Variants in KCNK1 observed in about 807,000 individuals in gnomAD.
The protein encoded by KCNK1 is potassium two pore domain channel subfamily K member 1, also known as potassium channel subfamily K member 1.
Under a neutral mutation model 22.2 loss-of-function variants are expected in KCNK1, and 10 were observed. The ratio of observed to expected loss-of-function variants is 0.45; its 90% confidence interval spans 0.28 to 0.76. The LOEUF is 0.76. Among genes scored for constraint, KCNK1 ranks in the 30% least tolerant of loss-of-function variants. KCNK1 has a pLI of 0.14. For synonymous variants in KCNK1, 200 were observed against 186.4 expected (o/e 1.07, Z -0.60); for missense variants, 378 against 421.0 (o/e 0.90, Z 0.89).
chr1:233,625,372 A>G (rs569868402), intron 1 of KCNK1, among the ~76,000 whole-genome samples: 45 of 152,174 alleles, frequency 3.0e-4, no homozygotes, highest in Non-Finnish European at 4.7e-4. Flanking sequence ...AGTTTTACAT[A>G]GAAAGGTGGA....
chr1:233,665,739 G>A (rs1362438561), intron 1 of KCNK1, among the ~76,000 whole-genome samples: 1 of 152,238 alleles, frequency 6.6e-6, no homozygotes, highest in Admixed American at 6.5e-5. Context: ...CAGCAAGGCA[G>A]TGTCAGTTGA....
chr1:233,654,769 A>AT (rs1346533408), intron 1 of KCNK1, among the ~76,000 whole-genome samples: 1 of 152,162 alleles, frequency 6.6e-6, no homozygotes, highest in African/African-American at 2.4e-5. Context: ...AAATAAATAA[A>AT]TGAGAAGGCA....
At chr1:233,656,112 C>T (rs1179828286) in intron 1 of KCNK1, among the ~76,000 whole-genome samples, 3 of 152,126 alleles carry the variant, frequency 2.0e-5, no homozygotes, top group Non-Finnish European at 4.4e-5. Context: ...AAATGGGTTA[C>T]AGGATTAAAC....
At chr1:233,652,129 GA>G (rs538658391) in intron 1 of KCNK1, among the ~76,000 whole-genome samples, 145 of 152,298 alleles carry the variant, frequency 9.5e-4, no homozygotes, top group African/African-American at 3.4e-3. Context: ...CAAGTGTTCT[GA>G]AGCTGTAGCC....
intron 1 of KCNK1, among the ~76,000 whole-genome samples, chr1:233,618,862 G>T (rs533469863): frequency 6.6e-6 from 1 of 151,954 alleles, no homozygotes. Flanking sequence ...CCAGCCTGGC[G>T]ACAGAGCAAG....
chr1:233,671,693 G>A lies in KCNK1; in HGVS notation c.*163G>A. On this transcript the variant is annotated 3_prime_UTR_variant, in exon 3 of 3. Transcript: ENST00000366621. The stretch of plus-strand genomic sequence containing the variant: ...TAAAAAACAACAAAAAAAGACAAAT[G>A]GAACAAAGAAGCTGTGACCCCAGCA... The A allele has an allele frequency of 1.3e-6, 1 of 789,900 alleles. No homozygotes were observed. Among genetic ancestry groups the A allele is most frequent in the Non-Finnish European group, 2.0e-6 (1 of 510,056 alleles). 48.9% of individuals were successfully genotyped at this position (789,900 alleles called of 1,614,324 possible).
intron 1 of KCNK1, among the ~76,000 whole-genome samples, chr1:233,646,210 T>C (rs1658090897): frequency 6.6e-6 from 1 of 152,120 alleles, no homozygotes; most frequent in South Asian, 2.1e-4. Context: ...TTAGGAGTCA[T>C]TTGTGTGTCG....
intron 1 of KCNK1, chr1:233,650,009 G>A (rs184072238): frequency 3.3e-4 from 178 of 533,472 alleles, no homozygotes; most frequent in Non-Finnish European, 4.2e-4. Flanking sequence ...CCTTTCAAGT[G>A]CCTAAAGGAG....
rs138465349 is a variant in KCNK1 at position 233,670,441 on chromosome 1, C to T, written c.752-830C>T. Among the ~76,000 whole-genome samples the T allele has an allele frequency of 5.0e-3, 764 of 152,228 alleles. 11 individuals are homozygous for T. The highest frequency in any genetic ancestry group is 0.018 in the African/African-American group (730 of 41,526). On this transcript the variant is annotated intron_variant, in intron 2 of 2. Coordinates refer to ENST00000366621, the MANE Select transcript of KCNK1 (RefSeq NM_002245.4). ...TTTTCACACTGCTGATAAAGACATA[C>T]CCGAGACTGGACAATTTACAAAAGA...
chr1:233,648,096 C>T (rs1467488321), intron 1 of KCNK1, among the ~76,000 whole-genome samples: 7 of 152,188 alleles, frequency 4.6e-5, no homozygotes, highest in Non-Finnish European at 1.0e-4. Context: ...TAAGAAATCA[C>T]ATTTGACTAT....
intron 1 of KCNK1, among the ~76,000 whole-genome samples, chr1:233,644,611 T>A (rs965775687): frequency 1.3e-5 from 2 of 152,072 alleles, no homozygotes; most frequent in African/African-American, 4.8e-5. Context: ...GTGATATTAG[T>A]CTGAGGTCTG....
At chr1:233,627,652 C>T (rs1657713898) in intron 1 of KCNK1, among the ~76,000 whole-genome samples, 1 of 152,198 alleles carries the variant, frequency 6.6e-6, no homozygotes. Context: ...AGCCGTTTCG[C>T]ACCCCCAGAC....
At chr1:233,643,288 C>G (rs1658034841) in intron 1 of KCNK1, among the ~76,000 whole-genome samples, 1 of 152,042 alleles carries the variant, frequency 6.6e-6, no homozygotes, top group South Asian at 2.1e-4. Context: ...AAGTAAGGGA[C>G]TTTGAGCAGA....
intron 1 of KCNK1, among the ~76,000 whole-genome samples, chr1:233,658,806 G>T (rs1044664005): frequency 2.6e-5 from 4 of 152,122 alleles, no homozygotes; most frequent in African/African-American, 9.7e-5. Context: ...CAGTATAAAA[G>T]ATTTTTTAAA....
intron 1 of KCNK1, among the ~76,000 whole-genome samples, chr1:233,658,906 G>A (rs925065850): frequency 6.6e-6 from 1 of 152,194 alleles, no homozygotes; most frequent in Non-Finnish European, 1.5e-5. Flanking sequence ...GAGTGAATGT[G>A]ATGGCCTCGG....
chr1:233,655,480 G>C (rs74816374), intron 1 of KCNK1, among the ~76,000 whole-genome samples: 5,975 of 152,216 alleles, frequency 0.039, 367 homozygotes, highest in African/African-American at 0.14. Flanking sequence ...TTTTGCGTGT[G>C]AGAAGGACAT....
chr1:233,634,158 T>C (rs755628429), intron 1 of KCNK1, among the ~76,000 whole-genome samples: 8 of 151,748 alleles, frequency 5.3e-5, no homozygotes, highest in Non-Finnish European at 1.0e-4. Flanking sequence ...ATACAAAAAT[T>C]AGCTGGGTGT....
At chr1:233,644,976 C>T (rs543501889) in intron 1 of KCNK1, among the ~76,000 whole-genome samples, 3 of 152,140 alleles carry the variant, frequency 2.0e-5, no homozygotes, top group South Asian at 2.1e-4. Context: ...GGGTGGATCA[C>T]GAGGTCAGGA....
chr1:233,659,180 A>T (rs1458625622), intron 1 of KCNK1, among the ~76,000 whole-genome samples: 1 of 151,612 alleles, frequency 6.6e-6, no homozygotes, highest in African/African-American at 2.4e-5. Flanking sequence ...CTTTATTTTT[A>T]AATTTTTCAG....
Sources: gnomAD v4.1 joint callset for allele counts (sites outside exome capture counted in the v4.1 genomes callset) on GRCh38, gnomAD v4.1.1 for gene constraint, MANE v1.5 for transcripts, NCBI Gene and HGNC (gene_info 2026-07-23, HGNC 2026-07-21) for gene names.